The following CTNS variants were observed in gnomAD, a reference collection of about 807,000 sequenced individuals.
The protein encoded by CTNS is cystinosin.
A neutral mutation model predicts 43.7 loss-of-function variants in CTNS; 27 were observed. That is an observed-to-expected ratio of 0.62 (90% CI 0.46 to 0.85). The LOEUF is 0.85. Among genes scored for constraint, CTNS ranks in the 40% least tolerant of loss-of-function variants. CTNS has a pLI of 0.00. For missense variants in CTNS, 457 were observed against 475.4 expected (o/e 0.96, Z 0.36); for synonymous variants, 187 against 190.6 (o/e 0.98, Z 0.16).
chr17:3,644,244 C>T (rs1045949054), intron 3 of CTNS, among the ~76,000 whole-genome samples: 1 of 152,164 alleles, frequency 6.6e-6, no homozygotes, highest in Non-Finnish European at 1.5e-5. Context: ...TTGGTATTCT[C>T]CCCACTGTAC....
At chr17:3,658,283 G>A (rs1289841919) in intron 10 of CTNS, 108 bp downstream of exon 10, 10 of 1,459,944 alleles carry the variant, frequency 6.8e-6, no homozygotes, top group Non-Finnish European at 8.4e-6. Context: ...GAAACAGGAC[G>A]GAAAGCCACA....
At position 3,658,598 on chromosome 17, in the gene CTNS, G is replaced by C. The variant is rs776598957; in HGVS notation, c.852+423G>C. On this transcript the variant is annotated intron_variant, in intron 10 of 11. Transcript: ENST00000046640. Reference sequence around the variant, plus strand: ...AGCATAGCCGGTCCTCTTCAGATCCGGGGACTCAGGGTCCAGCACATCTTG... The same window carrying C: ...AGCATAGCCGGTCCTCTTCAGATCCCGGGACTCAGGGTCCAGCACATCTTG... Among the ~76,000 whole-genome samples, 3 of 152,336 alleles carry C rather than the reference G, an allele frequency of 2.0e-5. No individual in the cohort carries two copies. In the East Asian group the frequency reaches 5.8e-4, roughly 29 times the overall value.
chr17:3,642,561 C>T (rs943206540), intron 3 of CTNS, among the ~76,000 whole-genome samples: 2 of 152,110 alleles, frequency 1.3e-5, no homozygotes, highest in African/African-American at 4.8e-5. Flanking sequence ...GTGGCGAGCG[C>T]CTGTAAGCCC....
chr17:3,660,155 C>T, intron 11 of CTNS, 81 bp from the exon 12 acceptor site: 5 of 1,591,906 alleles, frequency 3.1e-6, no homozygotes, highest in Non-Finnish European at 4.3e-6. Flanking sequence ...CTGGGACCCC[C>T]ACCGCCCACC....
At chr17:3,648,097 GC>G (rs1236202686) in intron 4 of CTNS, among the ~76,000 whole-genome samples, 1 of 152,186 alleles carries the variant, frequency 6.6e-6, no homozygotes, top group African/African-American at 2.4e-5. Context: ...TTGCCTCCCA[GC>G]CGTGAGGATT....
chr17:3,638,268 A>C, intron 2 of CTNS, among the ~76,000 whole-genome samples: 1 of 147,350 alleles, frequency 6.8e-6, no homozygotes, highest in Non-Finnish European at 1.5e-5. Context: ...ACGGAGTTTC[A>C]CTCTTATCAC....
chr17:3,647,939 G>A (rs989432733), intron 4 of CTNS, among the ~76,000 whole-genome samples: 9 of 152,330 alleles, frequency 5.9e-5, no homozygotes, highest in Admixed American at 2.6e-4. Context: ...GAGTGGCCAC[G>A]TCGGGTGAAT....
chr17:3,651,155 C>T (rs1008712494), intron 5 of CTNS, among the ~76,000 whole-genome samples: 9 of 151,872 alleles, frequency 5.9e-5, no homozygotes, highest in South Asian at 2.1e-4. Context: ...AGTGCAATGG[C>T]GCAATCTCAG....
chr17:3,638,169 C>T (rs993484919), intron 2 of CTNS, among the ~76,000 whole-genome samples: 1 of 151,924 alleles, frequency 6.6e-6, no homozygotes, highest in Non-Finnish European at 1.5e-5. Flanking sequence ...TCAGGAGATA[C>T]TTCATTTCTA....
chr17:3,660,430 C>G lies in CTNS; in HGVS notation c.*61C>G. 6.2e-7 allele frequency: 1 copy of G among 1,613,830 alleles called. No individual in the cohort carries two copies. The highest frequency in any genetic ancestry group is 1.1e-5 in the South Asian group (1 of 90,998). ...GTGCCCTGCTGGGGAAGGCCTCACC[C>G]AGCGAAGGCCGGAGAAGCGGTTGGG... On this transcript the variant is annotated 3_prime_UTR_variant, in exon 12 of 12. Transcript: ENST00000046640.
At chr17:3,648,569 C>T (rs927642294) in intron 4 of CTNS, among the ~76,000 whole-genome samples, 14 of 152,236 alleles carry the variant, frequency 9.2e-5, no homozygotes, top group African/African-American at 1.2e-4. Flanking sequence ...CAGGGAGCCA[C>T]GGTCCTGGGC....
chr17:3,651,146 G>C (rs1315479354), intron 5 of CTNS, among the ~76,000 whole-genome samples: 6 of 151,920 alleles, frequency 3.9e-5, no homozygotes, highest in Non-Finnish European at 8.8e-5. Flanking sequence ...CCAGGCTGGA[G>C]TGCAATGGCG....
chr17:3,641,384 A>ATATATATATATATATTT (rs1555558526), intron 3 of CTNS, among the ~76,000 whole-genome samples: 6 of 31,200 alleles, frequency 1.9e-4, no homozygotes, highest in African/African-American at 9.3e-4. Flanking sequence ...ATATATATAT[A>ATATATATATATATATTT]TTTTTTTTTT....
Position 3,655,026 on chromosome 17 carries a change from C to G in CTNS, c.254C>G (p.Ser85Cys), listed in dbSNP as rs756405315. 5 of 1,613,880 alleles carry G rather than the reference C, an allele frequency of 3.1e-6. No homozygotes were observed. The highest frequency in any genetic ancestry group is 4.2e-6 in the Non-Finnish European group (5 of 1,179,868). The change falls in exon 6 of 12, where the codon TCC becomes TGC. Residue 85 changes from serine (S) to cysteine (C), a missense_variant. Physicochemically the swap from Ser to Cys is moderately radical, Grantham distance 112. Transcript: ENST00000046640. ...GTGGTGCCTCCTGGAGTGACAAACTCCTCTTTTCAAGTGACATCTCAAAAT... is the reference window on the plus strand; with the variant it reads ...GTGGTGCCTCCTGGAGTGACAAACTGCTCTTTTCAAGTGACATCTCAAAAT... ...EVVVPPGVTN[S>C]SFQVTSQNVG...
At chr17:3,641,469 G>A (rs1386723076) in intron 3 of CTNS, among the ~76,000 whole-genome samples, 1 of 128,032 alleles carries the variant, frequency 7.8e-6, no homozygotes, top group East Asian at 2.4e-4. Flanking sequence ...TCAGCCCACT[G>A]CAACCTCCAC....
chr17:3,652,401 G>A (rs1468129972), intron 5 of CTNS, among the ~76,000 whole-genome samples: 1 of 152,164 alleles, frequency 6.6e-6, no homozygotes, highest in Non-Finnish European at 1.5e-5. Flanking sequence ...AGACCAGCCT[G>A]GCCAACATGA....
At position 3,648,856 on chromosome 17, in the gene CTNS, A is replaced by G. The variant is rs1200565132; in HGVS notation, c.150A>G (p.Leu50=). Residue 50 remains leucine (L), a synonymous_variant, in exon 5 of 12, where the codon TTA becomes TTG. Coordinates refer to ENST00000046640, the MANE Select transcript of CTNS (RefSeq NM_004937.3). ...TNVSLTLRPP[L]NATLVITFEI... ...CTCTTGTCCTCCACAGGCCACCATT[A>G]AATGCAACCCTGGTGATCACTTTTG... 1.2e-6 allele frequency: 2 copies of G among 1,613,370 alleles called. No individual in the cohort carries two copies. The highest frequency in any genetic ancestry group is 1.7e-6 in the Non-Finnish European group (2 of 1,179,396).
At chr17:3,659,459 C>T (rs2076234754) in intron 10 of CTNS, among the ~76,000 whole-genome samples, 1 of 152,256 alleles carries the variant, frequency 6.6e-6, no homozygotes, top group Non-Finnish European at 1.5e-5. Flanking sequence ...TCCCACCAGT[C>T]CCTAAGCACA....
chr17:3,643,712 G>A (rs1229533733), intron 3 of CTNS, among the ~76,000 whole-genome samples: 6 of 152,038 alleles, frequency 3.9e-5, no homozygotes, highest in Admixed American at 1.3e-4. Flanking sequence ...GTTTGTAGAC[G>A]TGCGCCACCA....
Sources: gnomAD v4.1 joint callset for allele counts (sites outside exome capture counted in the v4.1 genomes callset) on GRCh38, gnomAD v4.1.1 for gene constraint, MANE v1.5 for transcripts, NCBI Gene and HGNC (gene_info 2026-07-23, HGNC 2026-07-21) for gene names.